Variants in FBXL13 observed in about 807,000 individuals in gnomAD.
FBXL13 encodes F-box and leucine-rich repeat protein 13.
In FBXL13, 67 loss-of-function variants were observed where a neutral mutation model predicts 83.6. The ratio of observed to expected loss-of-function variants is 0.80; its 90% CI spans 0.66 to 0.98. FBXL13 has a LOEUF of 0.98. FBXL13 is among the 50% of genes least tolerant of loss of function. The pLI is 0.00. For synonymous variants in FBXL13, 272 were observed against 299.5 expected, an observed-to-expected ratio of 0.91 and a Z score of 0.95; for missense variants, 822 against 866.5, an observed-to-expected ratio of 0.95 and a Z score of 0.64.
At chr7:102,919,487 A>G (rs566179920) in intron 10 of FBXL13, among the ~76,000 whole-genome samples, 1 of 152,344 alleles carries the variant, frequency 6.6e-6, no homozygotes, top group South Asian at 2.1e-4. Context: ...AAGGTTTAAA[A>G]TGTACCAGGA....
At chr7:103,064,536 A>G (rs1388138007) in intron 1 of FBXL13, among the ~76,000 whole-genome samples, 1 of 152,194 alleles carries the variant, frequency 6.6e-6, no homozygotes, top group Non-Finnish European at 1.5e-5. Flanking sequence ...GTTGTGATCT[A>G]TATCTTTTTA....
At chr7:103,018,043 T>G (rs192181894) in intron 6 of FBXL13, among the ~76,000 whole-genome samples, 590 of 151,718 alleles carry the variant, frequency 3.9e-3, no homozygotes, top group Admixed American at 0.011. Flanking sequence ...AAAGTTGAAA[T>G]GAAGGAAAAA....
At chr7:103,045,977 A>G (rs1385084955) in intron 2 of FBXL13, among the ~76,000 whole-genome samples, 1 of 152,240 alleles carries the variant, frequency 6.6e-6, no homozygotes, top group African/African-American at 2.4e-5. Context: ...AGGTGGCTGC[A>G]TGCAAGATTT....
At chr7:102,940,249 T>G (rs1398809725) in intron 8 of FBXL13, among the ~76,000 whole-genome samples, 2 of 147,452 alleles carry the variant, frequency 1.4e-5, no homozygotes, top group African/African-American at 5.1e-5. Context: ...CTAGCTCTGT[T>G]GCCAGGCTGG....
chr7:102,955,936 C>T (rs1167583483), intron 8 of FBXL13, among the ~76,000 whole-genome samples: 1 of 152,056 alleles, frequency 6.6e-6, no homozygotes, highest in African/African-American at 2.4e-5. Flanking sequence ...GGATTCACAG[C>T]CGAATTCTAC....
At chr7:102,963,383 C>T in intron 8 of FBXL13, 150 bp downstream of exon 9, 1 of 869,318 alleles carries the variant, frequency 1.2e-6, no homozygotes, top group South Asian at 1.9e-5. Context: ...AAGAGCTGCA[C>T]TATATTATAC....
rs545883386 is a variant in FBXL13, at chr7:102,917,055, A to G, written c.879-3840T>C. Among the ~76,000 whole-genome samples the G allele has an allele frequency of 3.3e-5, 5 of 152,306 alleles. No individual in the cohort carries two copies. The South Asian group carries it at 1.0e-3, about 32-fold the overall frequency. On this transcript the variant is annotated intron_variant, in intron 10 of 19. Transcript: ENST00000313221. ...TCACCAAGACAAGGCCTACTCTGTA[A>G]AAGAGGGAATTTGCATGTGGATTCT... is the stretch of plus-strand genomic sequence containing the variant.
At chr7:103,059,439 T>G (rs993738124) in intron 1 of FBXL13, among the ~76,000 whole-genome samples, 1 of 152,040 alleles carries the variant, frequency 6.6e-6, no homozygotes, top group South Asian at 2.1e-4. Flanking sequence ...CCAATGAAAA[T>G]AAAAATCACA....
At chr7:102,856,380 A>G (rs1187519247) in intron 16 of FBXL13, among the ~76,000 whole-genome samples, 1 of 152,230 alleles carries the variant, frequency 6.6e-6, no homozygotes, top group Non-Finnish European at 1.5e-5. Flanking sequence ...TCTTTACCCT[A>G]TACTTGATAA....
intron 8 of FBXL13, among the ~76,000 whole-genome samples, chr7:102,957,335 C>G (rs187511080): frequency 6.6e-6 from 1 of 152,194 alleles, no homozygotes; most frequent in African/African-American, 2.4e-5. Context: ...TAGCCATATG[C>G]AGAAAGCTGA....
intron 16 of FBXL13, chr7:102,857,575 A>G (rs969650266): frequency 6.5e-5 from 10 of 152,712 alleles, no homozygotes; most frequent in Admixed American, 2.0e-4. Context: ...TCCCTCCCCA[A>G]AGCTGCGTGC....
chr7:102,942,833 C>G (rs1052818741), intron 8 of FBXL13, among the ~76,000 whole-genome samples: 1 of 151,960 alleles, frequency 6.6e-6, no homozygotes, highest in Non-Finnish European at 1.5e-5. Context: ...AAAATAAGGA[C>G]GCTATGCTCT....
At chr7:103,023,368 A>G (rs1001209131) in intron 6 of FBXL13, among the ~76,000 whole-genome samples, 2 of 152,230 alleles carry the variant, frequency 1.3e-5, no homozygotes, top group African/African-American at 4.8e-5. Context: ...GAAGACATAC[A>G]GGCAACCAAT....
chr7:102,936,890 C>T (rs777424164), intron 8 of FBXL13, among the ~76,000 whole-genome samples: 1 of 151,908 alleles, frequency 6.6e-6, no homozygotes, highest in African/African-American at 2.4e-5. Flanking sequence ...ATTCCCTCCC[C>T]CAATGAGCCT....
intron 17 of FBXL13, among the ~76,000 whole-genome samples, chr7:102,834,069 G>GAAGT (rs1801244833): frequency 8.8e-6 from 1 of 113,020 alleles, no homozygotes; most frequent in Non-Finnish European, 1.7e-5. Flanking sequence ...AGGAAGGAAG[G>GAAGT]AAGGAAGGAA....
chr7:102,870,735 A>G (rs1397237823), intron 16 of FBXL13, among the ~76,000 whole-genome samples: 1 of 152,138 alleles, frequency 6.6e-6, no homozygotes, highest in East Asian at 1.9e-4. Context: ...GGTTTCTTTA[A>G]TTAACAGTAA....
chr7:102,981,365 C>G (rs1009243548), intron 6 of FBXL13, among the ~76,000 whole-genome samples: 2 of 151,936 alleles, frequency 1.3e-5, no homozygotes, highest in African/African-American at 2.4e-5. Flanking sequence ...TGATCTATTC[C>G]CCTGTATGTA....
intron 18 of FBXL13, among the ~76,000 whole-genome samples, chr7:102,830,343 C>A (rs1800437796): frequency 6.6e-6 from 1 of 152,178 alleles, no homozygotes; most frequent in South Asian, 2.1e-4. Context: ...TGCTTTATAG[C>A]CAGGGCAGTT....
At chr7:102,965,638 AT>A (rs1825894073) in intron 7 of FBXL13, among the ~76,000 whole-genome samples, 1 of 152,194 alleles carries the variant, frequency 6.6e-6, no homozygotes, top group Non-Finnish European at 1.5e-5. Context: ...CTTATGTACT[AT>A]TTTTGCCACA....
Sources: allele counts gnomAD v4.1 joint callset (sites outside exome capture counted in the v4.1 genomes callset), GRCh38; gene constraint gnomAD v4.1.1; transcripts MANE v1.5; gene names NCBI Gene and HGNC (gene_info 2026-07-23, HGNC 2026-07-21).